The following AOX1 variants were observed in gnomAD, a reference collection of about 807,000 sequenced individuals.
AOX1 encodes aldehyde oxidase.
In AOX1, 153 loss-of-function variants were observed where a neutral mutation model predicts 169.5. That is an observed-to-expected ratio of 0.90 (90% confidence interval 0.79 to 1.03). The LOEUF (loss-of-function observed/expected upper bound fraction) is 1.03. Ranked by LOEUF, AOX1 falls within the 50% of genes least tolerant of loss-of-function variation. The pLI, the probability that AOX1 is intolerant of heterozygous loss-of-function variation, is 0.00. For synonymous variants in AOX1, 562 were observed against 581.9 expected (o/e 0.97, Z 0.49); for missense variants, 1,656 against 1,663.9 (o/e 1.00, Z 0.08).
intron 4 of AOX1, among the ~76,000 whole-genome samples, chr2:200,598,376 C>G (rs975449409): frequency 3.3e-5 from 5 of 152,054 alleles, no homozygotes; most frequent in African/African-American, 1.2e-4. Flanking sequence ...AAAGAAGCAC[C>G]TTGTTAGAGT....
chr2:200,670,374 C>T (rs1288397210), intron 34 of AOX1, among the ~76,000 whole-genome samples: 1 of 152,166 alleles, frequency 6.6e-6, no homozygotes, highest in Non-Finnish European at 1.5e-5. Context: ...GCCCCTGACA[C>T]GTTGCTTTTT....
Position 200,666,764 on chromosome 2 carries a change from T to C in AOX1, c.3609+12T>C, listed in dbSNP as rs781624675. ...TTGACATAGGCCAGGTACGTGTAAC[T>C]GATGTGTCTCACTTTCTATTTGTAA... is the stretch of plus-strand genomic sequence containing the variant. On this transcript the variant is annotated intron_variant, in intron 32 of 34. Transcript: ENST00000374700. 1 of 1,601,884 alleles carries C rather than the reference T, an allele frequency of 6.2e-7. No individual in the cohort carries two copies. The highest frequency in any genetic ancestry group is 1.7e-5 in the Admixed American group (1 of 57,356).
chr2:200,622,043 C>T (rs549038598), intron 18 of AOX1, among the ~76,000 whole-genome samples: 201 of 152,340 alleles, frequency 1.3e-3, no homozygotes, highest in Non-Finnish European at 2.4e-3. Context: ...TGAGCCACCA[C>T]GCCCGGCTTA....
chr2:200,589,346 A>G (rs574527885), intron 1 of AOX1, among the ~76,000 whole-genome samples: 2 of 152,286 alleles, frequency 1.3e-5, no homozygotes, highest in East Asian at 3.9e-4. Context: ...AAATTCTGCC[A>G]TAGATGCCAC....
chr2:200,642,679 G>C lies in AOX1; in HGVS notation c.2725G>C (p.Ala909Pro). ...KFPNLRCRGWACRTNLPSNTA... is the reference protein window; with the variant it reads ...KFPNLRCRGWPCRTNLPSNTA... ...TCCCAATCTCCGCTGCCGGGGTTGG[G>C]CATGCAGAACCAACCTTCCATCCAA... Residue 909 changes from alanine (A) to proline (P), a missense_variant, in exon 25 of 35, where the codon GCA becomes CCA. Physicochemically the swap from Ala to Pro is conservative, Grantham distance 27. Coordinates refer to ENST00000374700, the MANE Select transcript of AOX1 (RefSeq NM_001159.4). 6.2e-7 allele frequency: 1 copy of C among 1,614,116 alleles called. No individual in the cohort carries two copies.
At chr2:200,590,522 C>A (rs564692149) in intron 1 of AOX1, among the ~76,000 whole-genome samples, 1 of 152,154 alleles carries the variant, frequency 6.6e-6, no homozygotes, top group East Asian at 1.9e-4. Context: ...CGTGCTAGAT[C>A]TCTGCCCCCA....
chr2:200,668,415 G>T (rs931661335), intron 32 of AOX1, among the ~76,000 whole-genome samples, 200 bp from the exon 33 acceptor site: 1 of 151,902 alleles, frequency 6.6e-6, no homozygotes, highest in Non-Finnish European at 1.5e-5. Flanking sequence ...GGCTGACTTT[G>T]AACTTCTTTT....
downstream of AOX1, chr2:200,678,735 A>C (rs1559267547): frequency 6.6e-6 from 1 of 151,870 alleles, no homozygotes; most frequent in Non-Finnish European, 1.5e-5. Flanking sequence ...TAAAAAAAAA[A>C]AAAAAACCTC....
At chr2:200,589,844 T>C (rs938542834) in intron 1 of AOX1, among the ~76,000 whole-genome samples, 4 of 152,202 alleles carry the variant, frequency 2.6e-5, no homozygotes, top group African/African-American at 9.7e-5. Flanking sequence ...CTAAGGTTCT[T>C]GGTTTACAAG....
At chr2:200,627,531 A>T (rs763846101) in intron 20 of AOX1, 82 bp downstream of exon 20, 23 of 1,017,818 alleles carry the variant, frequency 2.3e-5, no homozygotes, top group African/African-American at 4.8e-5. Context: ...TCTGGAAATC[A>T]TCGGGCAGCC....
chr2:200,605,308 T>A (rs973049810), intron 9 of AOX1, among the ~76,000 whole-genome samples: 12 of 152,320 alleles, frequency 7.9e-5, no homozygotes, highest in Middle Eastern at 3.4e-3. Context: ...ATTTTGAACA[T>A]GCCATATGGC....
At chr2:200,647,694 G>A (rs1574950245) in intron 25 of AOX1, among the ~76,000 whole-genome samples, 1 of 152,154 alleles carries the variant, frequency 6.6e-6, no homozygotes, top group Non-Finnish European at 1.5e-5. Flanking sequence ...CAAGCTTTTA[G>A]AATTATCTTC....
rs1355860841 is a variant in AOX1 at position 200,627,340 on chromosome 2, G to C, written c.2125-13G>C. Reference sequence around the variant, plus strand: ...CTTGCCCAAGCTGCCTCATTCCTCTGTTCTCTTTCTAGGAAAGTATACAAC... The same window carrying C: ...CTTGCCCAAGCTGCCTCATTCCTCTCTTCTCTTTCTAGGAAAGTATACAAC... On this transcript the variant is annotated splice_polypyrimidine_tract_variant and intron_variant, in intron 19 of 34. Transcript: ENST00000374700. 6.2e-7 allele frequency: 1 copy of C among 1,601,418 alleles called. No individual in the cohort carries two copies. Among genetic ancestry groups the C allele is most frequent in the Non-Finnish European group, 8.6e-7 (1 of 1,168,956 alleles).
At chr2:200,642,398 T>TA (rs1317346941) in intron 24 of AOX1, among the ~76,000 whole-genome samples, 9 of 152,150 alleles carry the variant, frequency 5.9e-5, no homozygotes, top group Admixed American at 4.6e-4. Context: ...AATACAAAAA[T>TA]AAAAAATAAT....
At chr2:200,615,567 C>T (rs1194292895) in intron 15 of AOX1, among the ~76,000 whole-genome samples, 2 of 152,184 alleles carry the variant, frequency 1.3e-5, no homozygotes, top group Admixed American at 1.3e-4. Context: ...TGCTTATTTG[C>T]AATGGTGTAC....
intron 30 of AOX1, 52 bp from the exon 31 acceptor site, chr2:200,662,803 G>A: frequency 7.0e-7 from 1 of 1,425,914 alleles, no homozygotes; most frequent in East Asian, 2.3e-5. Context: ...TAGTCATCAT[G>A]GTCTGCAATT....
chr2:200,647,401 C>T (rs1436803210), intron 25 of AOX1, among the ~76,000 whole-genome samples: 3 of 152,030 alleles, frequency 2.0e-5, no homozygotes, highest in South Asian at 2.1e-4. Context: ...GTTTGAGGAG[C>T]CTGAAGATAG....
chr2:200,620,757 T>G lies in AOX1; in HGVS notation c.1812T>G (p.Pro604=). 1 of 1,609,660 alleles carries G rather than the reference T, an allele frequency of 6.2e-7. No homozygotes were observed. The highest frequency in any genetic ancestry group is 8.5e-7 in the Non-Finnish European group (1 of 1,178,642). ...AGGCCATCTACTGTGATGACATGCC[T>G]CTGGTGGACCAGGAACTTTTCTTGA... ...TGEAIYCDDM[P]LVDQELFLTF... Residue 604 remains proline, a synonymous_variant, in exon 17 of 35, where the codon CCT becomes CCG. Transcript: ENST00000374700.
downstream of AOX1, among the ~76,000 whole-genome samples, chr2:200,682,063 A>G (rs555478695): frequency 6.6e-6 from 1 of 152,202 alleles, no homozygotes; most frequent in Non-Finnish European, 1.5e-5. Flanking sequence ...AAAATGGCTT[A>G]AGACTTTAAA....
Sources: gnomAD v4.1 joint callset for allele counts (sites outside exome capture counted in the v4.1 genomes callset) on GRCh38, gnomAD v4.1.1 for gene constraint, MANE v1.5 for transcripts, NCBI Gene and HGNC (gene_info 2026-07-23, HGNC 2026-07-21) for gene names.